RAB37: variants seen among roughly 807,000 people sequenced by gnomAD.
The protein encoded by RAB37 is RAB37, member RAS oncogene family.
Under a neutral mutation model 33.1 loss-of-function variants are expected in RAB37, and 29 were observed. That is an observed-to-expected ratio of 0.88 (90% CI 0.65 to 1.20). The LOEUF is 1.20. Among genes scored for constraint, RAB37 ranks in the 50% most tolerant of loss-of-function variants. The probability of loss-of-function intolerance (pLI) is 0.00; values close to 1 mark genes in which losing one functional copy is unlikely to be tolerated. For missense variants in RAB37, 299 were observed against 301.1 expected, an observed-to-expected ratio of 0.99 and a Z score of 0.05; for synonymous variants, 128 against 119.5, an observed-to-expected ratio of 1.07 and a Z score of -0.47.
At chr17:74,683,208 G>A (rs192082359) in intron 1 of RAB37, among the ~76,000 whole-genome samples, 105 of 152,280 alleles carry the variant, frequency 6.9e-4, no homozygotes, top group African/African-American at 2.5e-3. Context: ...AGGCTTATTG[G>A]GGCTGCAGAG....
chr17:74,722,426 G>C (rs1190124539), intron 1 of RAB37, among the ~76,000 whole-genome samples: 1 of 152,218 alleles, frequency 6.6e-6, no homozygotes, highest in African/African-American at 2.4e-5. Context: ...ACACGAGGCA[G>C]AATTTCTGCT....
intron 1 of RAB37, chr17:74,705,308 T>C (rs936475845): frequency 4.3e-6 from 3 of 690,084 alleles, no homozygotes; most frequent in Non-Finnish European, 8.0e-6. Context: ...CTAGTGGTTC[T>C]GGAATAAACC....
chr17:74,685,664 C>T (rs2032039591), intron 1 of RAB37, among the ~76,000 whole-genome samples: 1 of 152,166 alleles, frequency 6.6e-6, no homozygotes, highest in South Asian at 2.1e-4. Flanking sequence ...AACTCTTCTC[C>T]TTATCCCTCC....
chr17:74,684,599 C>T (rs1363386154), intron 1 of RAB37, among the ~76,000 whole-genome samples: 1 of 151,910 alleles, frequency 6.6e-6, no homozygotes, highest in African/African-American at 2.4e-5. Flanking sequence ...AACAGCCTGA[C>T]CAACATGACG....
chr17:74,672,721 A>C (rs1598172849), intron 1 of RAB37: 1 of 152,358 alleles, frequency 6.6e-6, no homozygotes, highest in East Asian at 1.9e-4. Context: ...ACTTCTCATC[A>C]AAGTGTGCAG....
chr17:74,736,773 C>T (rs1181503024), upstream of RAB37: 11 of 1,535,546 alleles, frequency 7.2e-6, no homozygotes, highest in South Asian at 1.2e-5. Context: ...CAGATGAGCT[C>T]GGGCCGGGTG....
intron 1 of RAB37, chr17:74,705,318 C>T (rs1054152656): frequency 2.2e-5 from 15 of 683,376 alleles, no homozygotes; most frequent in Non-Finnish European, 3.5e-5. Flanking sequence ...TGGAATAAAC[C>T]ACCCTGGATG....
At chr17:74,743,995 G>A (rs1441611129) in intron 5 of RAB37, among the ~76,000 whole-genome samples, 5 of 152,142 alleles carry the variant, frequency 3.3e-5, no homozygotes, top group Admixed American at 1.3e-4. Context: ...TGTGGTCTTA[G>A]AATCTTTAAC....
At chr17:74,691,143 G>A (rs1044805500) in intron 1 of RAB37, among the ~76,000 whole-genome samples, 1 of 152,066 alleles carries the variant, frequency 6.6e-6, no homozygotes, top group Non-Finnish European at 1.5e-5. Context: ...GGAGTAGCTG[G>A]GACTGCAGGC....
chr17:74,707,669 C>T (rs978468868), intron 1 of RAB37, among the ~76,000 whole-genome samples: 3 of 150,294 alleles, frequency 2.0e-5, no homozygotes, highest in Admixed American at 6.6e-5. Flanking sequence ...GAGCCAAGAT[C>T]GTGCCACTGC....
rs149115258 is a variant in RAB37, at chr17:74,674,328, C to T, written c.72+2670C>T. The stretch of plus-strand genomic sequence containing the variant: ...AACTCCTGGCCTCAAGAGATCCACC[C>T]GCTCGGCCTCCCAAAGTGCTGGCAT... On this transcript the variant is annotated intron_variant, in intron 1 of 7. Coordinates refer to the RAB37 transcript ENST00000340415. Among the ~76,000 whole-genome samples, 375 of 151,034 alleles carry T rather than the reference C, an allele frequency of 2.5e-3. 4 individuals carry two copies. Among genetic ancestry groups the T allele is most frequent in the Admixed American group, 0.018 (271 of 15,112 alleles).
intron 1 of RAB37, chr17:74,712,722 T>C (rs2143970662): frequency 8.3e-7 from 1 of 1,199,084 alleles, no homozygotes. Flanking sequence ...ACAAGGCTCA[T>C]GCCATTAAGG....
intron 1 of RAB37, among the ~76,000 whole-genome samples, chr17:74,706,929 A>T (rs1329863722): frequency 4.6e-5 from 7 of 152,234 alleles, no homozygotes. Flanking sequence ...AAAACTCGAC[A>T]TCCACGTCCA....
chr17:74,699,851 C>G (rs1158685405), intron 1 of RAB37, among the ~76,000 whole-genome samples: 1 of 151,980 alleles, frequency 6.6e-6, no homozygotes, highest in Non-Finnish European at 1.5e-5. Flanking sequence ...TCTCAAAATT[C>G]TGCAACAGGC....
At chr17:74,713,107 T>G in intron 1 of RAB37, 1 of 492,698 alleles carries the variant, frequency 2.0e-6, no homozygotes, top group South Asian at 2.1e-5. Flanking sequence ...GAGTTCAAGA[T>G]CAGCCTGGCC....
chr17:74,739,571 C>T (rs1360037232), intron 1 of RAB37, among the ~76,000 whole-genome samples: 10 of 147,776 alleles, frequency 6.8e-5, no homozygotes, highest in Non-Finnish European at 7.5e-5. Context: ...GCTCTGTCAC[C>T]GAGGCTGGAG....
At chr17:74,703,121 C>G (rs775002575) in intron 1 of RAB37, 1 of 1,613,528 alleles carries the variant, frequency 6.2e-7, no homozygotes, top group African/African-American at 1.3e-5. Context: ...TGGAGGTAGG[C>G]GTGGTGGGGG....
intron 5 of RAB37, 135 bp downstream of exon 5, chr17:74,743,475 G>A: frequency 1.2e-6 from 1 of 867,114 alleles, no homozygotes; most frequent in Non-Finnish European, 1.9e-6. Context: ...ACCTACTTGT[G>A]ACTCAGAAGT....
chr17:74,672,350 A>G (rs946487812), intron 1 of RAB37, among the ~76,000 whole-genome samples: 2 of 152,200 alleles, frequency 1.3e-5, no homozygotes, highest in African/African-American at 4.8e-5. Context: ...TATATTTGCC[A>G]TAAGAAGTTA....
Sources: allele counts gnomAD v4.1 joint callset (sites outside exome capture counted in the v4.1 genomes callset), GRCh38; gene constraint gnomAD v4.1.1; transcripts MANE v1.5; gene names NCBI Gene and HGNC (gene_info 2026-07-23, HGNC 2026-07-21).